Variants in CAMKMT observed in about 807,000 individuals in gnomAD.
CAMKMT encodes CaM KMT.
Under a neutral mutation model 48.0 loss-of-function variants are expected in CAMKMT, and 53 were observed. The ratio of observed to expected loss-of-function variants is 1.10; its 90% CI spans 0.89 to 1.39. The LOEUF (loss-of-function observed/expected upper bound fraction) is 1.39. Ranked by LOEUF, CAMKMT falls within the 40% of genes most tolerant of loss-of-function variation. The probability of loss-of-function intolerance (pLI) is 0.00; values close to 1 mark genes in which losing one functional copy is unlikely to be tolerated. For synonymous variants in CAMKMT, 165 were observed against 152.3 expected (o/e 1.08, Z -0.61); for missense variants, 428 against 402.7 (o/e 1.06, Z -0.54).
rs543203257 is a variant in CAMKMT, at chr2:44,638,051, TC to T, written c.377-66231del. 9.2e-3 allele frequency among the ~76,000 whole-genome samples: 814 copies of T among 88,330 alleles called. 11 individuals are homozygous for T. Among genetic ancestry groups the T allele is most frequent in the African/African-American group, 0.026 (785 of 30,028 alleles). 57.9% of individuals were successfully genotyped at this position (88,330 alleles called of 152,430 possible). ...GCCTGGGCGACCGAGCGAGACTCCA[TC>T]TCAAACCAAAAAAAAAAAAAGAGAA... On this transcript the variant is annotated intron_variant, in intron 3 of 10. Coordinates refer to ENST00000378494, the MANE Select transcript of CAMKMT (RefSeq NM_024766.5).
chr2:44,529,693 A>G (rs542486799), intron 3 of CAMKMT, among the ~76,000 whole-genome samples: 4 of 152,056 alleles, frequency 2.6e-5, no homozygotes, highest in African/African-American at 9.7e-5. Flanking sequence ...CTGGGCTAAC[A>G]CTCAGTGATT....
intron 3 of CAMKMT, among the ~76,000 whole-genome samples, chr2:44,703,771 T>TAAA (rs547342457): frequency 1.1e-4 from 9 of 84,086 alleles, no homozygotes; most frequent in South Asian, 4.1e-4. Flanking sequence ...AGCAAGACTC[T>TAAA]AAAAAAAAAA....
chr2:44,752,635 A>G (rs575248718), intron 8 of CAMKMT, among the ~76,000 whole-genome samples: 1 of 152,338 alleles, frequency 6.6e-6, no homozygotes, highest in African/African-American at 2.4e-5. Context: ...TTGATAAAGA[A>G]CAGAAATGTA....
chr2:44,657,074 T>A lies in CAMKMT; in HGVS notation c.377-47209T>A, dbSNP rs904270728. Among the ~76,000 whole-genome samples the A allele has an allele frequency of 6.6e-6, 1 of 152,190 alleles. No homozygotes were observed. Among genetic ancestry groups the A allele is most frequent in the Non-Finnish European group, 1.5e-5 (1 of 68,036 alleles). ...TGTGTTTAACAGGTTGTTTCAGATA[T>A]CCTTCAGATATCTGAGGATACAGGC... On this transcript the variant is annotated intron_variant, in intron 3 of 10. Transcript: ENST00000378494. This position sits in a 1 kb window ranked among gnomAD's most constrained non-coding sequence, Gnocchi z 4.3.
At chr2:44,444,796 A>G (rs1377869202) in intron 3 of CAMKMT, among the ~76,000 whole-genome samples, 6 of 152,192 alleles carry the variant, frequency 3.9e-5, no homozygotes, top group African/African-American at 1.2e-4. Context: ...ACCAAGCACC[A>G]TGTACCCAAA....
intron 3 of CAMKMT, among the ~76,000 whole-genome samples, chr2:44,641,470 A>G (rs558849350): frequency 1.3e-5 from 2 of 151,960 alleles, no homozygotes; most frequent in Non-Finnish European, 2.9e-5. Flanking sequence ...CTAAGGCAGT[A>G]GACTCAAACA....
At chr2:44,743,561 C>A in intron 7 of CAMKMT, 61 bp from the exon 8 acceptor site, 2 of 1,215,544 alleles carry the variant, frequency 1.6e-6, no homozygotes, top group Non-Finnish European at 2.4e-6. Flanking sequence ...ATGTTAATAG[C>A]TCAAAATCAA....
chr2:44,752,919 C>T (rs942890371), intron 8 of CAMKMT, among the ~76,000 whole-genome samples: 18 of 152,152 alleles, frequency 1.2e-4, no homozygotes, highest in African/African-American at 3.6e-4. Flanking sequence ...AGTTAAGTAA[C>T]TTGCCACCTA....
At chr2:44,546,426 C>T (rs1347353754) in intron 3 of CAMKMT, among the ~76,000 whole-genome samples, 1 of 152,188 alleles carries the variant, frequency 6.6e-6, no homozygotes, top group African/African-American at 2.4e-5. Context: ...ATCACAAGTA[C>T]TTGATCTGTT....
chr2:44,483,444 A>G (rs867542632), intron 3 of CAMKMT, among the ~76,000 whole-genome samples: 4 of 152,148 alleles, frequency 2.6e-5, no homozygotes, highest in African/African-American at 4.8e-5. Context: ...AGTTAATGCA[A>G]TATATTACAC....
chr2:44,663,876 T>C (rs1236190899), intron 3 of CAMKMT, among the ~76,000 whole-genome samples: 5 of 152,144 alleles, frequency 3.3e-5, no homozygotes. Context: ...CTTTTAACAC[T>C]TACATTCTTG....
intron 2 of CAMKMT, among the ~76,000 whole-genome samples, chr2:44,379,167 TA>T (rs1679993167): frequency 6.6e-6 from 1 of 152,214 alleles, no homozygotes. Flanking sequence ...AATCCTACAA[TA>T]TGTGGCCCTG....
At position 44,372,829 on chromosome 2, in the gene CAMKMT, G is replaced by C. The variant is rs772142079; in HGVS notation, c.252G>C (p.Glu84Asp). ...GCAAAGAAAGGGAAACTGAAGAGGAGGTTGGTGCATGGGTCCAATATACAA... is the reference window on the plus strand; with the variant it reads ...GCAAAGAAAGGGAAACTGAAGAGGACGTTGGTGCATGGGTCCAATATACAA... ...TEGKERETEE[E>D]VGAWVQYTSI... is the part of the protein sequence containing the mutation. Residue 84 changes from glutamate to aspartate, a missense_variant, in exon 2 of 11, where the codon GAG (glutamate) becomes GAC (aspartate). By Grantham distance (45) the Glu-to-Asp change is conservative. Coordinates refer to ENST00000378494, the MANE Select transcript of CAMKMT (RefSeq NM_024766.5). 4.3e-6 allele frequency: 7 copies of C among 1,613,918 alleles called. No individual in the cohort carries two copies. The highest frequency in any genetic ancestry group is 1.1e-5 in the South Asian group (1 of 91,074).
chr2:44,438,752 C>T (rs1666445393), intron 3 of CAMKMT, among the ~76,000 whole-genome samples: 1 of 152,106 alleles, frequency 6.6e-6, no homozygotes, highest in Non-Finnish European at 1.5e-5. Flanking sequence ...GGTTGGAGTG[C>T]AGTGGCACAA....
chr2:44,591,439 G>A (rs1670264497), intron 3 of CAMKMT, among the ~76,000 whole-genome samples: 1 of 151,962 alleles, frequency 6.6e-6, no homozygotes, highest in Non-Finnish European at 1.5e-5. Context: ...TTGAGCAGTG[G>A]TTTGTAGTTC....
intron 3 of CAMKMT, among the ~76,000 whole-genome samples, chr2:44,609,189 A>G (rs1014797208): frequency 6.6e-6 from 1 of 152,226 alleles, no homozygotes; most frequent in Non-Finnish European, 1.5e-5. Context: ...ATTGCCAGAG[A>G]CTGGGGTGGT....
chr2:44,711,579 G>C (rs1004867688), intron 6 of CAMKMT, among the ~76,000 whole-genome samples: 1 of 152,168 alleles, frequency 6.6e-6, no homozygotes, highest in Non-Finnish European at 1.5e-5. Context: ...ACCTCCCTAA[G>C]TGTTGGGATT....
At chr2:44,444,785 C>T (rs75869082) in intron 3 of CAMKMT, among the ~76,000 whole-genome samples, 2,567 of 152,258 alleles carry the variant, frequency 0.017, 72 homozygotes, top group African/African-American at 0.059. Context: ...AGCTAACCAA[C>T]ACCAAGCACC....
At chr2:44,600,500 C>T (rs1670921968) in intron 3 of CAMKMT, among the ~76,000 whole-genome samples, 1 of 152,088 alleles carries the variant, frequency 6.6e-6, no homozygotes, top group East Asian at 1.9e-4. Context: ...AACTCCTGGG[C>T]TCAAGCCATC....
Sources: gnomAD v4.1 joint callset for allele counts (sites outside exome capture counted in the v4.1 genomes callset) on GRCh38, gnomAD v4.1.1 for gene constraint, Gnocchi (gnomAD v3.1) non-coding constraint, MANE v1.5 for transcripts, NCBI Gene and HGNC (gene_info 2026-07-23, HGNC 2026-07-21) for gene names.